Variants in DYNC1LI2 observed in about 807,000 individuals in gnomAD.
DYNC1LI2 encodes cytoplasmic dynein 1 light intermediate chain 2.
A neutral mutation model predicts 57.8 loss-of-function variants in DYNC1LI2; 19 were observed. The ratio of observed to expected loss-of-function variants is 0.33; its 90% CI spans 0.23 to 0.48. The LOEUF is 0.48. Among genes scored for constraint, DYNC1LI2 ranks in the 20% least tolerant of loss-of-function variants. DYNC1LI2 has a pLI of 0.99. For missense variants in DYNC1LI2, 470 were observed against 604.2 expected (o/e 0.78, Z 2.33); for synonymous variants, 256 against 233.4 (o/e 1.10, Z -0.88).
At chr16:66,731,060 T>A (rs547548673) in intron 7 of DYNC1LI2, 4 of 152,320 alleles carry the variant, frequency 2.6e-5, no homozygotes, top group African/African-American at 9.6e-5. Flanking sequence ...CACCCCAATA[T>A]CCTTGCTGAC....
At chr16:66,728,991 C>T (rs776563917) in intron 9 of DYNC1LI2, 49 bp downstream of exon 9, 1 of 1,601,080 alleles carries the variant, frequency 6.2e-7, no homozygotes, top group East Asian at 2.2e-5. Flanking sequence ...TAGGGACTGG[C>T]ATTTCATGCA....
chr16:66,751,336 G>T lies in DYNC1LI2; in HGVS notation c.118C>A (p.Leu40Met). 1.2e-6 allele frequency: 2 copies of T among 1,611,986 alleles called. No homozygotes were observed. The highest frequency in any genetic ancestry group is 1.7e-6 in the Non-Finnish European group (2 of 1,179,008). ...EEGQSLWSSI[L>M]SEVSTRARSK... ...CTGGCGCGGGTGGACACTTCGCTCA[G>T]AATGGAGGACCTGTGGCGACAATGG... The change falls in exon 2 of 13, where the codon CTG becomes ATG. Residue 40 changes from leucine to methionine, a missense_variant. Coordinates refer to ENST00000258198, the MANE Select transcript of DYNC1LI2 (RefSeq NM_006141.3). This position sits in a 1 kb window ranked among gnomAD's most constrained non-coding sequence, Gnocchi z 5.2.
intron 9 of DYNC1LI2, among the ~76,000 whole-genome samples, chr16:66,728,548 T>C (rs893395595): frequency 1.3e-5 from 2 of 152,160 alleles, no homozygotes; most frequent in East Asian, 3.8e-4. Flanking sequence ...CCTGTACCAC[T>C]GGGCAGATGA....
chr16:66,730,289 C>T (rs956932145), intron 7 of DYNC1LI2, 66 bp from the exon 8 acceptor site: 3 of 1,358,668 alleles, frequency 2.2e-6, no homozygotes, highest in Middle Eastern at 1.8e-4. Context: ...ACTCAGATCA[C>T]ATTCAGGACT....
At chr16:66,736,584 A>G (rs887964838) in intron 4 of DYNC1LI2, among the ~76,000 whole-genome samples, 1 of 152,006 alleles carries the variant, frequency 6.6e-6, no homozygotes, top group Non-Finnish European at 1.5e-5. Context: ...TGATATCACC[A>G]TCTTCTGAGC....
chr16:66,749,653 C>A (rs1364426291), intron 2 of DYNC1LI2, among the ~76,000 whole-genome samples: 1 of 152,012 alleles, frequency 6.6e-6, no homozygotes, highest in East Asian at 1.9e-4. Context: ...TAGTTTCTCA[C>A]AAGAAAAAGT....
chr16:66,729,251 G>A, intron 8 of DYNC1LI2, 152 bp from the exon 9 acceptor site: 1 of 900,854 alleles, frequency 1.1e-6, no homozygotes, highest in Non-Finnish European at 1.8e-6. Flanking sequence ...TTCTAGCCTG[G>A]CACAGACCTC....
At position 66,736,099 on chromosome 16, in the gene DYNC1LI2, G is replaced by C. The variant is rs1433408284; in HGVS notation, c.675C>G (p.Ile225Met). The C allele has an allele frequency of 6.2e-7, 1 of 1,614,002 alleles. No individual in the cohort carries two copies. The highest frequency in any genetic ancestry group is 1.7e-5 in the Admixed American group (1 of 60,000). ...GDNVLTHNLG[I>M]PVLVVCTKCD... ...CCTTTGTGCACACCACCAACACCGG[G>C]ATCCCCAGGTTATGAGTCAGCACAT... Residue 225 changes from isoleucine to methionine, a missense_variant, in exon 5 of 13, where the codon ATC (isoleucine) becomes ATG (methionine). By Grantham distance (10) the Ile-to-Met change is conservative (BLOSUM62 1). Coordinates refer to ENST00000258198, the MANE Select transcript of DYNC1LI2 (RefSeq NM_006141.3).
chr16:66,746,199 C>T (rs1021875446), intron 3 of DYNC1LI2, among the ~76,000 whole-genome samples: 1 of 152,064 alleles, frequency 6.6e-6, no homozygotes, highest in South Asian at 2.1e-4. Flanking sequence ...GGCATGGTTC[C>T]TTTTTTCAGC....
chr16:66,742,718 G>A, intron 3 of DYNC1LI2, 50 bp from the exon 4 acceptor site: 2 of 1,552,330 alleles, frequency 1.3e-6, no homozygotes, highest in Non-Finnish European at 1.8e-6. Context: ...GTGACCATCA[G>A]CATAGCTGCA....
At position 66,723,383 on chromosome 16, in the gene DYNC1LI2, G is replaced by T; in HGVS notation, c.*339C>A. ...TCAGACTAACCATCATCTTACCAAT[G>T]ATTTCTTGGTCTCATTTGCTCCACC... On this transcript the variant is annotated 3_prime_UTR_variant, in exon 13 of 13. Transcript: ENST00000258198. 2.1e-6 allele frequency: 1 copy of T among 477,042 alleles called. No individual in the cohort carries two copies. The highest frequency in any genetic ancestry group is 6.3e-5 in the East Asian group (1 of 15,778). 29.6% of individuals were successfully genotyped at this position (477,042 alleles called of 1,614,324 possible).
chr16:66,747,595 A>C (rs1302954694), intron 3 of DYNC1LI2, among the ~76,000 whole-genome samples: 1 of 146,758 alleles, frequency 6.8e-6, no homozygotes, highest in African/African-American at 2.5e-5. Flanking sequence ...TTTAAGAAGG[A>C]GTCTCGTTTT....
intron 3 of DYNC1LI2, among the ~76,000 whole-genome samples, chr16:66,748,783 T>C (rs1259341298): frequency 1.3e-5 from 2 of 152,162 alleles, no homozygotes; most frequent in Non-Finnish European, 2.9e-5. Flanking sequence ...CCTATTAACA[T>C]ATGTTAAATT....
At chr16:66,745,011 T>A (rs761462916) in intron 3 of DYNC1LI2, among the ~76,000 whole-genome samples, 20 of 152,066 alleles carry the variant, frequency 1.3e-4, no homozygotes, top group Non-Finnish European at 2.6e-4. Flanking sequence ...CTCTAAGGCT[T>A]CGATTCTCCT....
At chr16:66,725,760 G>A (rs2144966169) in intron 12 of DYNC1LI2, 68 bp downstream of exon 12, 1 of 1,501,944 alleles carries the variant, frequency 6.7e-7, no homozygotes. Flanking sequence ...CAGGGCAGGT[G>A]TCTGCCTCTC....
chr16:66,739,294 T>C (rs192153713), intron 4 of DYNC1LI2: 20 of 152,316 alleles, frequency 1.3e-4, no homozygotes, highest in Non-Finnish European at 2.6e-4. Flanking sequence ...CCTCGTGCAC[T>C]GTAAACTTTT....
chr16:66,723,819 T>C lies in DYNC1LI2; in HGVS notation c.1382A>G (p.Gln461Arg). 6.4e-7 allele frequency: 1 copy of C among 1,570,452 alleles called. No homozygotes were observed. Among genetic ancestry groups the C allele is most frequent in the Non-Finnish European group, 8.6e-7 (1 of 1,167,964 alleles). The part of the protein sequence containing the change: ...GVQSTAKKSG[Q>R]KTVLSNVQEE... ...CTGAACATTTGACAACACAGTCTTT[T>C]GTCCTGAAAAAAAAAAAAAGCAAAA... is the stretch of plus-strand genomic sequence containing the variant. Residue 461 changes from glutamine to arginine, a missense_variant, in exon 13 of 13, where the codon CAA becomes CGA. Gln to Arg is a conservative substitution (Grantham distance 43, BLOSUM62 1). Coordinates refer to ENST00000258198, the MANE Select transcript of DYNC1LI2 (RefSeq NM_006141.3).
chr16:66,742,577 C>T lies in DYNC1LI2; in HGVS notation c.390G>A (p.Glu130=). Reference sequence around the variant, plus strand: ...TGTCTGCAACAAAAATGACGAGGGTCTCTGGCAAGGATTCAGCAGAAACTG... The same window carrying T: ...TGTCTGCAACAAAAATGACGAGGGTTTCTGGCAAGGATTCAGCAGAAACTG... The part of the protein sequence containing the change: ...KFAVSAESLP[E]TLVIFVADMS... The change falls in exon 4 of 13, where the codon GAG becomes GAA. Residue 130 remains glutamate (E), a synonymous_variant. Transcript: ENST00000258198. The T allele has an allele frequency of 6.2e-7, 1 of 1,614,208 alleles. No homozygotes were observed. Among genetic ancestry groups the T allele is most frequent in the Non-Finnish European group, 8.5e-7 (1 of 1,180,048 alleles).
chr16:66,730,269 C>G, intron 7 of DYNC1LI2, 46 bp from the exon 8 acceptor site: 1 of 1,539,224 alleles, frequency 6.5e-7, no homozygotes. Flanking sequence ...CTGGGGCTGC[C>G]TTAGAGCATA....
Sources: gnomAD v4.1 joint callset for allele counts (sites outside exome capture counted in the v4.1 genomes callset) on GRCh38, gnomAD v4.1.1 for gene constraint, Gnocchi (gnomAD v3.1) non-coding constraint, MANE v1.5 for transcripts, NCBI Gene and HGNC (gene_info 2026-07-23, HGNC 2026-07-21) for gene names.